Variants in MSRA observed in about 807,000 individuals in gnomAD.
The protein encoded by MSRA is mitochondrial peptide methionine sulfoxide reductase.
In MSRA, 54 loss-of-function variants were observed where a neutral mutation model predicts 31.3. That is an observed-to-expected ratio of 1.73 (90% CI 1.39 to 2.17). The LOEUF is 2.17. Among genes scored for constraint, MSRA ranks in the 30% most tolerant of loss-of-function variants. The pLI, the probability that MSRA is intolerant of heterozygous loss-of-function variation, is 0.00. For missense variants in MSRA, 507 were observed against 300.9 expected (o/e 1.69, Z -5.07); for synonymous variants, 169 against 116.5 (o/e 1.45, Z -2.90).
intron 1 of MSRA, among the ~76,000 whole-genome samples, chr8:10,091,726 C>G (rs767887237): frequency 6.6e-6 from 1 of 151,886 alleles, no homozygotes; most frequent in Non-Finnish European, 1.5e-5. Flanking sequence ...CGTGCCTCAG[C>G]ATCCCAAGTA....
At chr8:10,418,540 A>G (rs1808615473) in intron 5 of MSRA, among the ~76,000 whole-genome samples, 1 of 152,106 alleles carries the variant, frequency 6.6e-6, no homozygotes, top group Non-Finnish European at 1.5e-5. Context: ...GGATCCTTTG[A>G]AATTATAAGC....
At chr8:10,086,132 T>A (rs1046611919) in intron 1 of MSRA, among the ~76,000 whole-genome samples, 1 of 152,248 alleles carries the variant, frequency 6.6e-6, no homozygotes, top group Non-Finnish European at 1.5e-5. Flanking sequence ...CTAAACTGTT[T>A]ATCATGTTAT....
intron 1 of MSRA, among the ~76,000 whole-genome samples, chr8:10,069,860 C>A (rs752462450): frequency 2.0e-5 from 3 of 152,142 alleles, no homozygotes; most frequent in Non-Finnish European, 4.4e-5. Context: ...TTAATATGTT[C>A]TTTTTAATGG....
chr8:10,204,495 AT>A (rs1563215455), intron 1 of MSRA, among the ~76,000 whole-genome samples: 2 of 152,180 alleles, frequency 1.3e-5, no homozygotes, highest in Non-Finnish European at 2.9e-5. Context: ...ACAAATACTT[AT>A]CATTGTATTA....
At chr8:10,157,781 C>G (rs1804281258) in intron 1 of MSRA, among the ~76,000 whole-genome samples, 2 of 152,034 alleles carry the variant, frequency 1.3e-5, no homozygotes, top group Admixed American at 1.3e-4. Context: ...CCGCCCTCTT[C>G]TTCTTTCTCT....
At chr8:10,283,820 TATATATATATATATATAC>T (rs1563307598) in intron 3 of MSRA, among the ~76,000 whole-genome samples, 2 of 71,130 alleles carry the variant, frequency 2.8e-5, no homozygotes, top group Non-Finnish European at 5.7e-5. Flanking sequence ...TATATATATA[TATATATATATATATATAC>T]ACACACACAC....
intron 2 of MSRA, among the ~76,000 whole-genome samples, chr8:10,242,790 G>C (rs1585254728): frequency 1.3e-5 from 2 of 152,082 alleles, no homozygotes; most frequent in East Asian, 3.9e-4. Context: ...TAAACCTGCA[G>C]CCGCTAGTTG....
chr8:10,328,353 C>T (rs1291832050), intron 5 of MSRA, among the ~76,000 whole-genome samples: 5 of 151,082 alleles, frequency 3.3e-5, no homozygotes, highest in Non-Finnish European at 7.4e-5. Context: ...TTTCCCTCGC[C>T]TTTTCCCTCC....
chr8:10,224,951 C>T (rs1192075789), intron 2 of MSRA, among the ~76,000 whole-genome samples: 2 of 152,150 alleles, frequency 1.3e-5, no homozygotes, highest in African/African-American at 4.8e-5. Flanking sequence ...CCAGCCTGGC[C>T]AGCATGGCAA....
At chr8:10,097,579 T>G (rs1188446167) in intron 1 of MSRA, among the ~76,000 whole-genome samples, 1 of 152,224 alleles carries the variant, frequency 6.6e-6, no homozygotes, top group Non-Finnish European at 1.5e-5. Context: ...TACTTCCATT[T>G]ACTTCTTAAA....
At chr8:10,424,563 G>A (rs1809017051) in intron 5 of MSRA, among the ~76,000 whole-genome samples, 1 of 151,344 alleles carries the variant, frequency 6.6e-6, no homozygotes, top group African/African-American at 2.4e-5. Context: ...GGATAGAGTG[G>A]GATTCGGGAG....
intron 1 of MSRA, among the ~76,000 whole-genome samples, chr8:10,069,984 A>G: frequency 6.6e-6 from 1 of 152,206 alleles, no homozygotes; most frequent in East Asian, 1.9e-4. Context: ...AGCACGTGGT[A>G]TGTATATGGT....
chr8:10,109,427 C>T (rs1374300462), intron 1 of MSRA, among the ~76,000 whole-genome samples: 2 of 151,844 alleles, frequency 1.3e-5, no homozygotes, highest in Admixed American at 6.6e-5. Context: ...CTGCAACCTC[C>T]ATCTCCCGGG....
chr8:10,326,997 A>G (rs1354749209), intron 5 of MSRA, among the ~76,000 whole-genome samples: 1 of 152,226 alleles, frequency 6.6e-6, no homozygotes, highest in Non-Finnish European at 1.5e-5. Context: ...TCTAAAGAGC[A>G]TTCTCCTGGC....
At chr8:10,159,024 G>A (rs1804409943) in intron 1 of MSRA, among the ~76,000 whole-genome samples, 1 of 152,200 alleles carries the variant, frequency 6.6e-6, no homozygotes, top group African/African-American at 2.4e-5. Flanking sequence ...TAGATTTTAG[G>A]AAGATCACTG....
intron 1 of MSRA, among the ~76,000 whole-genome samples, chr8:10,057,043 C>G (rs151090623): frequency 6.6e-6 from 1 of 152,202 alleles, no homozygotes; most frequent in Non-Finnish European, 1.5e-5. Flanking sequence ...CACCCTTTTA[C>G]ACACTGTGAC....
At chr8:10,307,604 C>T (rs1473021355) in intron 4 of MSRA, among the ~76,000 whole-genome samples, 1 of 152,216 alleles carries the variant, frequency 6.6e-6, no homozygotes, top group Non-Finnish European at 1.5e-5. Context: ...ACTTCCACAT[C>T]ATGTACTTCT....
At chr8:10,140,836 T>C (rs960638259) in intron 1 of MSRA, among the ~76,000 whole-genome samples, 1 of 151,670 alleles carries the variant, frequency 6.6e-6, no homozygotes, top group African/African-American at 2.4e-5. Context: ...AAATGAGTGA[T>C]TGAGGATGAA....
intron 1 of MSRA, among the ~76,000 whole-genome samples, chr8:10,067,298 T>C (rs1797503443): frequency 6.6e-6 from 1 of 152,176 alleles, no homozygotes; most frequent in Non-Finnish European, 1.5e-5. Context: ...GGTTGGCTTC[T>C]TTCACTTAAC....
Sources: gnomAD v4.1 joint callset for allele counts (sites outside exome capture counted in the v4.1 genomes callset) on GRCh38, gnomAD v4.1.1 for gene constraint, MANE v1.5 for transcripts, NCBI Gene and HGNC (gene_info 2026-07-23, HGNC 2026-07-21) for gene names.